FNDC3B: variants seen among roughly 807,000 people sequenced by gnomAD.
The protein encoded by FNDC3B is fibronectin type III domain containing 3B, also known as fibronectin type III domain-containing protein 3B.
In FNDC3B, 12 loss-of-function variants were observed where a neutral mutation model predicts 151.5. The observed-to-expected ratio is 0.08, with a 90% CI of 0.05 to 0.13. The LOEUF (loss-of-function observed/expected upper bound fraction) is 0.13. Ranked by LOEUF, FNDC3B falls within the 10% of genes least tolerant of loss-of-function variation. The pLI is 1.00. For synonymous variants in FNDC3B, 528 were observed against 549.0 expected (o/e 0.96, Z 0.54); for missense variants, 1,214 against 1,505.3 (o/e 0.81, Z 3.20).
chr3:172,064,333 T>G (rs1372617178), intron 1 of FNDC3B, among the ~76,000 whole-genome samples: 7 of 152,164 alleles, frequency 4.6e-5, no homozygotes, highest in Non-Finnish European at 1.5e-5. Flanking sequence ...TTGTTTGTAA[T>G]TACCCAGGCT....
intron 25 of FNDC3B, among the ~76,000 whole-genome samples, chr3:172,385,845 A>ACCATG (rs1735685019): frequency 6.6e-6 from 1 of 152,200 alleles, no homozygotes; most frequent in Non-Finnish European, 1.5e-5. Context: ...GGCGTGAGCC[A>ACCATG]CCATGCCCGG....
chr3:172,194,319 C>T (rs574069049), intron 3 of FNDC3B, among the ~76,000 whole-genome samples: 20 of 152,278 alleles, frequency 1.3e-4, no homozygotes, highest in African/African-American at 3.8e-4. Flanking sequence ...TCTGCTGTTT[C>T]GTACTCTAGT....
intron 3 of FNDC3B, among the ~76,000 whole-genome samples, chr3:172,179,471 T>G (rs1288360383): frequency 6.6e-6 from 1 of 152,164 alleles, no homozygotes; most frequent in African/African-American, 2.4e-5. Context: ...TCAGGATATA[T>G]GGTATGAGCT....
chr3:172,293,995 G>A (rs1346630203), intron 7 of FNDC3B, among the ~76,000 whole-genome samples: 1 of 152,186 alleles, frequency 6.6e-6, no homozygotes, highest in Non-Finnish European at 1.5e-5. Flanking sequence ...TTAAGCTTTA[G>A]CGTCTGTATT....
At position 172,338,900 on chromosome 3, in the gene FNDC3B, T is replaced by TTA. The variant is rs1421466751; in HGVS notation, c.1852+1499_1852+1500insTA. Among the ~76,000 whole-genome samples the TTA allele has an allele frequency of 1.8e-4, 28 of 152,044 alleles. No homozygotes were observed. In the East Asian group the frequency reaches 4.2e-3, roughly 23 times the overall value. ...TACAGACGCCCACCACTAGGCCGGCTAATTTTTTTTGAATTTTTAGTAGAG... is the reference window on the plus strand; with the variant it reads ...TACAGACGCCCACCACTAGGCCGGCTTAAATTTTTTTTGAATTTTTAGTAGAG... On this transcript the variant is annotated intron_variant, in intron 16 of 25. Coordinates refer to ENST00000415807, the MANE Select transcript of FNDC3B (RefSeq NM_022763.4).
At chr3:172,177,169 A>G (rs544071634) in intron 3 of FNDC3B, among the ~76,000 whole-genome samples, 9 of 124,158 alleles carry the variant, frequency 7.2e-5, no homozygotes, top group African/African-American at 2.8e-4. Flanking sequence ...AAGGAAATAC[A>G]CATATGGGCC....
intron 11 of FNDC3B, among the ~76,000 whole-genome samples, chr3:172,318,928 G>A (rs1410542330): frequency 6.6e-6 from 1 of 152,300 alleles, no homozygotes; most frequent in East Asian, 1.9e-4. Flanking sequence ...AGCCAGGAAG[G>A]ATTGAATAAC....
intron 3 of FNDC3B, among the ~76,000 whole-genome samples, chr3:172,208,699 C>A (rs576070594): frequency 2.0e-4 from 27 of 134,352 alleles, no homozygotes; most frequent in African/African-American, 7.9e-4. Flanking sequence ...TTTGCTCGTG[C>A]CTTCTGGGCT....
In FNDC3B at chr3:172,133,485, A is replaced by G; in HGVS notation, c.126A>G (p.Gln42=). The change falls in exon 3 of 26, where the codon CAA becomes CAG. Residue 42 remains glutamine, a synonymous_variant. Transcript: ENST00000415807. Reference sequence around the variant, plus strand: ...TGTTTTGGCAGGTTATTCTCGTTCAAGTTAATCCAGGTGAGACTTTCACAA... The same window carrying G: ...TGTTTTGGCAGGTTATTCTCGTTCAGGTTAATCCAGGTGAGACTTTCACAA... ...GDAAQQVILV[Q]VNPGETFTIR... 6.2e-7 allele frequency: 1 copy of G among 1,613,206 alleles called. No individual in the cohort carries two copies. The highest frequency in any genetic ancestry group is 8.5e-7 in the Non-Finnish European group (1 of 1,179,290).
At chr3:172,307,637 T>A (rs1007406556) in intron 10 of FNDC3B, 136 bp downstream of exon 10, 3 of 782,212 alleles carry the variant, frequency 3.8e-6, no homozygotes, top group Non-Finnish European at 6.2e-6. Context: ...AAGGCTGCAG[T>A]GAGCCATGAT....
chr3:172,068,182 C>G (rs1057097007), intron 1 of FNDC3B, among the ~76,000 whole-genome samples: 2 of 152,170 alleles, frequency 1.3e-5, no homozygotes, highest in African/African-American at 2.4e-5. Flanking sequence ...CCAGTGGACT[C>G]CCATTCTGGG....
intron 18 of FNDC3B, 84 bp from the exon 19 acceptor site, chr3:172,344,002 T>C: frequency 7.9e-7 from 1 of 1,267,342 alleles, no homozygotes; most frequent in Non-Finnish European, 1.1e-6. Context: ...TGTGATATTT[T>C]GCTCAACTTG....
chr3:172,188,700 C>T (rs576556638), intron 3 of FNDC3B, among the ~76,000 whole-genome samples: 92 of 152,264 alleles, frequency 6.0e-4, no homozygotes, highest in African/African-American at 2.0e-3. Flanking sequence ...CCACGGCTCC[C>T]GGCCCGAAAC....
intron 25 of FNDC3B, among the ~76,000 whole-genome samples, chr3:172,381,325 T>TA (rs1735425561): frequency 6.6e-6 from 1 of 152,236 alleles, no homozygotes; most frequent in Non-Finnish European, 1.5e-5. Context: ...ATGTTTGTCT[T>TA]AAAGAGTTGT....
intron 25 of FNDC3B, among the ~76,000 whole-genome samples, chr3:172,381,667 G>A (rs1386096912): frequency 7.2e-6 from 1 of 139,028 alleles, no homozygotes; most frequent in African/African-American, 2.8e-5. Flanking sequence ...TCCCCTCCCT[G>A]TGCCCATATG....
chr3:172,040,111 C>A lies in FNDC3B; in HGVS notation c.-29+340C>A, dbSNP rs893396756. Among the ~76,000 whole-genome samples the A allele has an allele frequency of 6.6e-6, 1 of 152,196 alleles. No individual in the cohort carries two copies. On this transcript the variant is annotated intron_variant, in intron 1 of 25. Transcript: ENST00000415807. The surrounding 1 kb of genome is among the most constrained non-coding windows in gnomAD (Gnocchi z 6.6). ...TGGGCAGTGGCTCGCGGCCTCCCCC[C>A]ACCCCCAGCCTTCCCAGCAGATTTT...
chr3:172,389,970 C>T (rs1300269507), intron 25 of FNDC3B, among the ~76,000 whole-genome samples: 3 of 152,214 alleles, frequency 2.0e-5, no homozygotes, highest in Non-Finnish European at 4.4e-5. Context: ...TCTCTTGCCC[C>T]TGTGGTCTGT....
chr3:172,055,446 T>G (rs1716866902), intron 1 of FNDC3B, among the ~76,000 whole-genome samples: 1 of 152,224 alleles, frequency 6.6e-6, no homozygotes, highest in Admixed American at 6.5e-5. Context: ...TATATTCAAT[T>G]TAAACAGGGA....
At chr3:172,216,146 A>G (rs950764410) in intron 3 of FNDC3B, among the ~76,000 whole-genome samples, 2 of 152,194 alleles carry the variant, frequency 1.3e-5, no homozygotes, top group Admixed American at 6.5e-5. Flanking sequence ...TGCTCTGGTG[A>G]TGCCTTTGTT....
Sources: gnomAD v4.1 joint callset for allele counts (sites outside exome capture counted in the v4.1 genomes callset) on GRCh38, gnomAD v4.1.1 for gene constraint, Gnocchi (gnomAD v3.1) non-coding constraint, MANE v1.5 for transcripts, NCBI Gene and HGNC (gene_info 2026-07-23, HGNC 2026-07-21) for gene names.